UPRT: variants seen among roughly 807,000 people sequenced by gnomAD.
UPRT encodes the protein RP11-311P8.3.
In UPRT, 5 loss-of-function variants were observed where a neutral mutation model predicts 22.6. That is an observed-to-expected ratio of 0.22 (90% CI 0.12 to 0.47). The LOEUF (loss-of-function observed/expected upper bound fraction) is 0.47. UPRT is among the 20% of genes least tolerant of loss of function. The pLI is 0.99. For missense variants in UPRT, 181 were observed against 239.9 expected, an observed-to-expected ratio of 0.75 and a Z score of 1.62; for synonymous variants, 77 against 87.7, an observed-to-expected ratio of 0.88 and a Z score of 0.68.
At chrX:75,166,654 T>A (rs1569257006) in intron 3 of UPRT, among the ~76,000 whole-genome samples, 1 of 111,912 alleles carries the variant, frequency 8.9e-6, no homozygotes, top group Non-Finnish European at 1.9e-5. Flanking sequence ...ATTCTATGAA[T>A]TCTTTAAAAT....
At chrX:75,293,111 G>C (rs1333424477) in intron 1 of UPRT, among the ~76,000 whole-genome samples, 1 of 110,979 alleles carries the variant, frequency 9.0e-6, no homozygotes, top group African/African-American at 3.3e-5. Context: ...GGGAGAAACT[G>C]CTTCTCTTAC....
chrX:75,243,566 G>T (rs753157635), intron 4 of UPRT, among the ~76,000 whole-genome samples: 1 of 111,863 alleles, frequency 8.9e-6, no homozygotes, highest in Non-Finnish European at 1.9e-5. Flanking sequence ...GTTATGATTA[G>T]TCATTAGTGA....
chrX:75,156,466 T>A, exon 1 of UPRT: 1 of 502,796 alleles, frequency 2.0e-6, no homozygotes, highest in Admixed American at 3.1e-5. Flanking sequence ...TTGATTGTTT[T>A]CCTTACACAA....
At chrX:75,257,893 C>T (rs2082554275) in intron 4 of UPRT, among the ~76,000 whole-genome samples, 1 of 111,293 alleles carries the variant, frequency 9.0e-6, no homozygotes, top group Non-Finnish European at 1.9e-5. Context: ...GTACCCGGTC[C>T]CTCTCACTGG....
At chrX:75,191,444 A>G (rs948356629) in intron 4 of UPRT, among the ~76,000 whole-genome samples, 4 of 109,884 alleles carry the variant, frequency 3.6e-5, no homozygotes, top group African/African-American at 9.9e-5. Context: ...TTGAGGAGGC[A>G]GTCTGTCTGT....
rs1445939235 is a variant in UPRT, at chrX:75,304,027, C to T, written c.*516C>T. ...TGGAATTTTACATTCCCATTAATGTCCTCATTCAGTTGGCAGACCTAGGAT... is the reference window on the plus strand; with the variant it reads ...TGGAATTTTACATTCCCATTAATGTTCTCATTCAGTTGGCAGACCTAGGAT... On this transcript the variant is annotated 3_prime_UTR_variant, in exon 7 of 7. Transcript: ENST00000373383. 2 of 112,849 alleles carry T rather than the reference C, an allele frequency of 1.8e-5. No individual in the cohort carries two copies. Among genetic ancestry groups the T allele is most frequent in the African/African-American group, 6.5e-5 (2 of 30,851 alleles). 9.3% of individuals were successfully genotyped at this position (112,849 alleles called of 1,213,427 possible).
At chrX:75,225,056 G>A (rs1032783648) in intron 4 of UPRT, among the ~76,000 whole-genome samples, 4 of 110,830 alleles carry the variant, frequency 3.6e-5, no homozygotes, top group South Asian at 7.7e-4. Flanking sequence ...TGGAGCGGTC[G>A]CAGTAGTTTG....
chrX:75,236,477 G>A (rs902938460), intron 4 of UPRT, among the ~76,000 whole-genome samples: 2 of 111,638 alleles, frequency 1.8e-5, no homozygotes, highest in African/African-American at 3.3e-5. Context: ...CCAAAAAGGA[G>A]CCCGCATTGC....
intron 4 of UPRT, among the ~76,000 whole-genome samples, chrX:75,200,342 C>T (rs373183704): frequency 8.0e-5 from 9 of 112,143 alleles, no homozygotes; most frequent in East Asian, 2.8e-4. Flanking sequence ...GCCTGTAATC[C>T]CAGCACTTTG....
In UPRT at chrX:75,218,807, A is replaced by G. The variant is rs762833724; in HGVS notation, c.-447+50928A>G. Reference sequence around the variant, plus strand: ...GCAAGAACAAAAAACCAAACACCGCATATTCTCACTGATAGGTGGGAATTG... The same window carrying G: ...GCAAGAACAAAAAACCAAACACCGCGTATTCTCACTGATAGGTGGGAATTG... On this transcript the variant is annotated intron_variant, in intron 4 of 13. Coordinates refer to the UPRT transcript ENST00000652605. Among the ~76,000 whole-genome samples, 7 of 108,247 alleles carry G rather than the reference A, an allele frequency of 6.5e-5. No homozygotes were observed. The East Asian group carries it at 2.0e-3, about 32-fold the overall frequency. The allele number at this position is 108,247 out of a possible 115,157, so 94.0% of individuals were successfully genotyped here.
At position 75,275,633 on chromosome X, in the gene UPRT, T is replaced by A. The variant is rs947612211; in HGVS notation, c.386+993T>A. ...GTACAATCAATCTTCATAACATACA[T>A]CTTTGATTCAGTAATTGCCCTACTC... is the stretch of plus-strand genomic sequence containing the variant. On this transcript the variant is annotated intron_variant, in intron 1 of 6. Transcript: ENST00000373383. Among the ~76,000 whole-genome samples, 41 of 111,406 alleles carry A rather than the reference T, an allele frequency of 3.7e-4. 1 individual carries two copies. The highest frequency in any genetic ancestry group is 1.3e-3 in the African/African-American group (39 of 30,645).
At chrX:75,172,252 C>T (rs961909898) in intron 4 of UPRT, among the ~76,000 whole-genome samples, 2 of 111,020 alleles carry the variant, frequency 1.8e-5, no homozygotes, top group Non-Finnish European at 3.8e-5. Flanking sequence ...TTGGGCTGAG[C>T]TTGCTGAGGC....
intron 4 of UPRT, among the ~76,000 whole-genome samples, chrX:75,186,524 A>G (rs377396759): frequency 9.0e-6 from 1 of 111,252 alleles, no homozygotes; most frequent in African/African-American, 3.3e-5. Context: ...GAGTTCTGTA[A>G]ATGTCTATTA....
chrX:75,189,126 T>A (rs1483227151), intron 4 of UPRT, among the ~76,000 whole-genome samples: 1 of 112,529 alleles, frequency 8.9e-6, no homozygotes, highest in African/African-American at 3.2e-5. Flanking sequence ...TTTAGTGCTA[T>A]AAATTTCCCT....
chrX:75,278,748 A>G (rs990685020), intron 1 of UPRT, among the ~76,000 whole-genome samples: 1 of 111,825 alleles, frequency 8.9e-6, no homozygotes, highest in Non-Finnish European at 1.9e-5. Context: ...GCATGGCCTC[A>G]GCAAGCTGCT....
At chrX:75,213,617 A>G (rs922628439) in intron 4 of UPRT, among the ~76,000 whole-genome samples, 3 of 111,844 alleles carry the variant, frequency 2.7e-5, no homozygotes, top group Non-Finnish European at 5.6e-5. Context: ...ATATAGATAA[A>G]AAGATAAATG....
intron 4 of UPRT, among the ~76,000 whole-genome samples, chrX:75,210,046 T>G (rs1217695092): frequency 1.8e-5 from 2 of 111,480 alleles, no homozygotes; most frequent in African/African-American, 6.5e-5. Context: ...CCCTTATTGG[T>G]ATTAGGGCTT....
intron 1 of UPRT, among the ~76,000 whole-genome samples, chrX:75,286,694 T>C (rs747979921): frequency 1.8e-5 from 2 of 112,078 alleles, no homozygotes; most frequent in South Asian, 7.5e-4. Flanking sequence ...TATATACATA[T>C]CAATCGGAGT....
chrX:75,203,479 AAGAC>A (rs1397195133), intron 4 of UPRT, among the ~76,000 whole-genome samples: 10 of 60,126 alleles, frequency 1.7e-4, no homozygotes, highest in Non-Finnish European at 1.3e-4. Flanking sequence ...GCAAGGGTTA[AAGAC>A]ACACACACAC....
Sources: gnomAD v4.1 joint callset for allele counts (sites outside exome capture counted in the v4.1 genomes callset) on GRCh38, gnomAD v4.1.1 for gene constraint, MANE v1.5 for transcripts, NCBI Gene and HGNC (gene_info 2026-07-23, HGNC 2026-07-21) for gene names.